Variants in CRYBG1 observed in about 807,000 individuals in gnomAD.
The protein encoded by CRYBG1 is crystallin beta-gamma domain containing 1, also known as beta/gamma crystallin domain-containing protein 1.
A neutral mutation model predicts 189.2 loss-of-function variants in CRYBG1; 139 were observed. That is an observed-to-expected ratio of 0.73 (90% CI 0.64 to 0.85). The LOEUF (loss-of-function observed/expected upper bound fraction) is 0.85. CRYBG1 is among the 40% of genes least tolerant of loss of function. The probability of loss-of-function intolerance (pLI) is 0.00; values close to 1 mark genes in which losing one functional copy is unlikely to be tolerated. For synonymous variants in CRYBG1, 1,023 were observed against 1,017.1 expected (o/e 1.01, Z -0.11); for missense variants, 2,611 against 2,675.8 (o/e 0.98, Z 0.53).
intron 2 of CRYBG1, among the ~76,000 whole-genome samples, chr6:106,510,533 C>G (rs949037260): frequency 6.6e-6 from 1 of 152,258 alleles, no homozygotes; most frequent in Non-Finnish European, 1.5e-5. Context: ...CCGGCACCCT[C>G]GCATAGGTGG....
At chr6:106,437,456 T>G (rs1221522750) in intron 1 of CRYBG1, among the ~76,000 whole-genome samples, 2 of 152,130 alleles carry the variant, frequency 1.3e-5, no homozygotes, top group African/African-American at 2.4e-5. Context: ...TTTTAAGAGA[T>G]AGCATCTCAC....
chr6:106,408,968 A>C (rs931597449), intron 1 of CRYBG1, among the ~76,000 whole-genome samples: 5 of 152,232 alleles, frequency 3.3e-5, no homozygotes, highest in Non-Finnish European at 7.3e-5. Context: ...GGCACAAGAC[A>C]GGGATGCCCT....
In CRYBG1 at chr6:106,512,404, C is replaced by A; in HGVS notation, c.1287C>A (p.Asp429Glu). 1 of 1,608,992 alleles carries A rather than the reference C, an allele frequency of 6.2e-7. No individual in the cohort carries two copies. Among genetic ancestry groups the A allele is most frequent in the Non-Finnish European group, 8.5e-7 (1 of 1,178,410 alleles). The part of the protein sequence containing the change: ...GRRRGSQKST[D>E]SPGADAELPE... ...GGAGGGGGTCGCAGAAATCCACCGACTCCCCCGGCGCGGACGCCGAGCTCC... is the reference window on the plus strand; with the variant it reads ...GGAGGGGGTCGCAGAAATCCACCGAATCCCCCGGCGCGGACGCCGAGCTCC... Residue 429 changes from aspartate (D) to glutamate (E), a missense_variant, in exon 3 of 22, where the codon GAC (aspartate) becomes GAA (glutamate). Around this residue, in one of 3 missense-constraint regions of CRYBG1, gnomAD observed 985 missense variants for 924.4 expected, o/e 1.07. Coordinates refer to ENST00000633556, the MANE Select transcript of CRYBG1 (RefSeq NM_001371242.2).
At chr6:106,366,742 C>T (rs1457343216) in intron 1 of CRYBG1, among the ~76,000 whole-genome samples, 2 of 152,154 alleles carry the variant, frequency 1.3e-5, no homozygotes, top group African/African-American at 4.8e-5. Flanking sequence ...ATGTAAAGCA[C>T]CCAGCACAGG....
intron 2 of CRYBG1, among the ~76,000 whole-genome samples, chr6:106,499,827 C>A (rs927608576): frequency 2.0e-5 from 3 of 152,106 alleles, no homozygotes; most frequent in Non-Finnish European, 2.9e-5. Context: ...CCAAACTTCC[C>A]CCAACTCACA....
At chr6:106,453,107 G>A (rs558435412) in intron 2 of CRYBG1, among the ~76,000 whole-genome samples, 38 of 152,258 alleles carry the variant, frequency 2.5e-4, no homozygotes, top group African/African-American at 5.5e-4. Context: ...TTAAACTACC[G>A]TTAGTGTAGT....
intron 2 of CRYBG1, among the ~76,000 whole-genome samples, chr6:106,455,310 G>T (rs1325937241): frequency 6.6e-6 from 1 of 151,962 alleles, no homozygotes; most frequent in African/African-American, 2.4e-5. Flanking sequence ...TTGCATATAA[G>T]AGTGAATTAA....
chr6:106,396,254 T>TAGTGAAACACA (rs1213076935), intron 1 of CRYBG1, among the ~76,000 whole-genome samples: 3 of 152,244 alleles, frequency 2.0e-5, no homozygotes, highest in Admixed American at 2.0e-4. Flanking sequence ...CTTGTGTTTA[T>TAGTGAAACACA]AGTGAAACAG....
chr6:106,464,871 A>G (rs1012784397), intron 2 of CRYBG1, among the ~76,000 whole-genome samples: 2 of 152,234 alleles, frequency 1.3e-5, no homozygotes, highest in Non-Finnish European at 2.9e-5. Context: ...ATTTGTTCAG[A>G]TATTTTACAA....
At chr6:106,462,800 T>TGTTGTCTTAAGAC (rs1402653569) in intron 2 of CRYBG1, among the ~76,000 whole-genome samples, 36 of 152,318 alleles carry the variant, frequency 2.4e-4, no homozygotes, top group African/African-American at 7.2e-4. Context: ...TGTCTTAAGA[T>TGTTGTCTTAAGAC]TGAGTGGCGA....
intron 2 of CRYBG1, among the ~76,000 whole-genome samples, chr6:106,462,683 T>C (rs1444879776): frequency 6.6e-6 from 1 of 152,214 alleles, no homozygotes; most frequent in Non-Finnish European, 1.5e-5. Context: ...ATTTGAATCA[T>C]ATGGTAATAA....
chr6:106,547,187 GAC>G (rs113926303), intron 13 of CRYBG1, among the ~76,000 whole-genome samples: 4 of 50,620 alleles, frequency 7.9e-5, no homozygotes, highest in African/African-American at 1.6e-4. Flanking sequence ...CACATACGTG[GAC>G]ACACACACAC....
chr6:106,382,095 G>A (rs899943945), intron 1 of CRYBG1, among the ~76,000 whole-genome samples: 2 of 152,172 alleles, frequency 1.3e-5, no homozygotes, highest in East Asian at 3.8e-4. Flanking sequence ...GCATGCAACA[G>A]CCAGGGAGGG....
chr6:106,535,655 A>G (rs887195465), intron 8 of CRYBG1, among the ~76,000 whole-genome samples: 1 of 152,158 alleles, frequency 6.6e-6, no homozygotes, highest in African/African-American at 2.4e-5. Flanking sequence ...TCAAATCAGG[A>G]TCCAATCAAG....
chr6:106,414,790 C>A (rs1253191902), intron 1 of CRYBG1, among the ~76,000 whole-genome samples: 1 of 152,128 alleles, frequency 6.6e-6, no homozygotes, highest in African/African-American at 2.4e-5. Context: ...ATCACTTTCT[C>A]TGCAGGCAAA....
intron 1 of CRYBG1, among the ~76,000 whole-genome samples, chr6:106,394,656 G>T (rs1770570846): frequency 1.3e-5 from 2 of 152,202 alleles, no homozygotes; most frequent in South Asian, 4.1e-4. Flanking sequence ...TTTTAAACAA[G>T]TATGTTAAGT....
intron 2 of CRYBG1, among the ~76,000 whole-genome samples, chr6:106,463,392 G>A (rs1582777278): frequency 6.6e-6 from 1 of 152,158 alleles, no homozygotes; most frequent in East Asian, 1.9e-4. Context: ...TGCCTTTGAA[G>A]CTATTGGATG....
chr6:106,555,798 T>C lies in CRYBG1; in HGVS notation c.5616T>C (p.Thr1872=), dbSNP rs1774525675. 6.2e-7 allele frequency: 1 copy of C among 1,614,194 alleles called. No homozygotes were observed. The highest frequency in any genetic ancestry group is 1.3e-5 in the African/African-American group (1 of 75,060). Residue 1872 remains threonine, a synonymous_variant, in exon 17 of 22, where the codon ACT becomes ACC. Transcript: ENST00000633556. ...SWVVYDGENF[T]GNQYVLEEGH... is the part of the protein sequence containing the mutation. ...TTGTATATGATGGAGAAAATTTCAC[T>C]GGTAATCAATACGTGTTGGAAGAAG... is the stretch of plus-strand genomic sequence containing the variant.
At chr6:106,389,890 TA>T (rs1168097745) in intron 1 of CRYBG1, among the ~76,000 whole-genome samples, 1 of 152,126 alleles carries the variant, frequency 6.6e-6, no homozygotes, top group African/African-American at 2.4e-5. Flanking sequence ...TGCTACAACT[TA>T]AGCCCTTAAT....
Sources: gnomAD v4.1 joint callset for allele counts (sites outside exome capture counted in the v4.1 genomes callset) on GRCh38, gnomAD v4.1.1 for gene constraint, gnomAD v4.1.1 regional missense constraint, MANE v1.5 for transcripts, NCBI Gene and HGNC (gene_info 2026-07-23, HGNC 2026-07-21) for gene names.